Variants in ZNF790 observed in about 807,000 individuals in gnomAD.
ZNF790 encodes the protein zinc finger protein 790.
In ZNF790, 8 loss-of-function variants were observed where a neutral mutation model predicts 12.1. The observed-to-expected ratio is 0.66, with a 90% CI of 0.39 to 1.19. The LOEUF is 1.19. ZNF790 is among the 50% of genes most tolerant of loss of function. The probability of loss-of-function intolerance (pLI) is 0.01; values close to 1 mark genes in which losing one functional copy is unlikely to be tolerated. For missense variants in ZNF790, 707 were observed against 752.2 expected, an observed-to-expected ratio of 0.94 and a Z score of 0.70; for synonymous variants, 252 against 244.3, an observed-to-expected ratio of 1.03 and a Z score of -0.29.
intron 1 of ZNF790, among the ~76,000 whole-genome samples, chr19:36,827,324 G>A (rs1461121100): frequency 6.6e-6 from 1 of 151,612 alleles, no homozygotes; most frequent in Non-Finnish European, 1.5e-5. Context: ...CCACCCATCC[G>A]TGCACAGGCG....
upstream of ZNF790, among the ~76,000 whole-genome samples, chr19:36,840,454 T>C (rs1291791848): frequency 1.3e-5 from 2 of 152,188 alleles, no homozygotes; most frequent in Non-Finnish European, 2.9e-5. Flanking sequence ...GTTGTGACAA[T>C]ACATGTGAGA....
chr19:36,818,885 A>C lies in ZNF790; in HGVS notation c.1459T>G (p.Phe487Val), dbSNP rs758326743. 2.0e-5 allele frequency: 33 copies of C among 1,611,112 alleles called. No homozygotes were observed. Among genetic ancestry groups the C allele is most frequent in the Non-Finnish European group, 2.7e-5 (32 of 1,177,986 alleles). ...NYECKECGKT[F>V]FRGSELNRHQ... Reference sequence around the variant, plus strand: ...CGATTAAGTTCTGAACCACGAAAAAAGGTCTTTCCACATTCCTTACATTCA... The same window carrying C: ...CGATTAAGTTCTGAACCACGAAAAACGGTCTTTCCACATTCCTTACATTCA... The change falls in exon 5 of 5, where the codon TTT (phenylalanine) becomes GTT (valine). Residue 487 changes from phenylalanine (F) to valine (V), a missense_variant. Transcript: ENST00000356725.
intron 1 of ZNF790, among the ~76,000 whole-genome samples, chr19:36,829,530 G>A (rs972368553): frequency 5.3e-5 from 8 of 152,098 alleles, no homozygotes; most frequent in Non-Finnish European, 1.0e-4. Flanking sequence ...CTACCCATTC[G>A]TCTATTAATG....
intron 1 of ZNF790, among the ~76,000 whole-genome samples, chr19:36,827,137 C>CATATATATAT (rs1568338007): frequency 4.1e-5 from 3 of 72,594 alleles, no homozygotes; most frequent in African/African-American, 1.9e-4. Context: ...CACACACACA[C>CATATATATAT]ACACATATAT....
chr19:36,847,154 G>T (rs1392877700), intron 1 of ZNF790, among the ~76,000 whole-genome samples: 1 of 152,064 alleles, frequency 6.6e-6, no homozygotes, highest in Non-Finnish European at 1.5e-5. Context: ...AGGAGTTCAA[G>T]ACCAGCCTGG....
chr19:36,819,048 A>G lies in ZNF790; in HGVS notation c.1296T>C (p.Thr432=), dbSNP rs1488930465. The change falls in exon 5 of 5, where the codon ACT becomes ACC. Residue 432 remains threonine (T), a synonymous_variant. Transcript: ENST00000356725. Reference sequence around the variant, plus strand: ...CATGTTGAGCAAGATACGAAGCCCAAGTAAAAGTCTTCCCGCATTGCTTAC... The same window carrying G: ...CATGTTGAGCAAGATACGAAGCCCAGGTAAAAGTCTTCCCGCATTGCTTAC... ...YECKQCGKTF[T]WASYLAQHEK... The G allele has an allele frequency of 1.9e-6, 3 of 1,613,926 alleles. No individual in the cohort carries two copies. The highest frequency in any genetic ancestry group is 2.5e-6 in the Non-Finnish European group (3 of 1,180,020).
chr19:36,820,892 CTTTTTTT>C (rs1161286902), intron 4 of ZNF790, among the ~76,000 whole-genome samples: 2 of 127,010 alleles, frequency 1.6e-5, no homozygotes, highest in Admixed American at 1.6e-4. Context: ...GAGACCCTGT[CTTTTTTT>C]TTTTTTTTTT....
upstream of ZNF790, among the ~76,000 whole-genome samples, chr19:36,840,662 C>T (rs1406401080): frequency 6.6e-6 from 1 of 152,170 alleles, no homozygotes; most frequent in African/African-American, 2.4e-5. Flanking sequence ...GGGAACCAAT[C>T]TGAAATTCAA....
At chr19:36,847,210 C>T (rs763033667) in intron 1 of ZNF790, among the ~76,000 whole-genome samples, 42 of 151,732 alleles carry the variant, frequency 2.8e-4, no homozygotes, top group East Asian at 1.7e-3. Context: ...AAAAATTAGC[C>T]GGGTGTGGTG....
intron 1 of ZNF790, among the ~76,000 whole-genome samples, chr19:36,825,914 G>A (rs941569134): frequency 1.3e-5 from 2 of 152,042 alleles, no homozygotes; most frequent in Non-Finnish European, 2.9e-5. Context: ...AGTCAATTCT[G>A]GCTTGCCCTA....
chr19:36,821,611 TCTCA>T (rs1381912299), intron 4 of ZNF790, among the ~76,000 whole-genome samples: 1 of 151,656 alleles, frequency 6.6e-6, no homozygotes, highest in Non-Finnish European at 1.5e-5. Context: ...TGAGATGGAG[TCTCA>T]CTCTGTCGCC....
intron 1 of ZNF790, among the ~76,000 whole-genome samples, chr19:36,829,930 A>G (rs1048606904): frequency 2.0e-5 from 3 of 152,138 alleles, no homozygotes; most frequent in Non-Finnish European, 2.9e-5. Flanking sequence ...AATATCATCT[A>G]TTTTGTAGTT....
chr19:36,842,802 G>A (rs984719720), upstream of ZNF790, among the ~76,000 whole-genome samples: 5 of 151,732 alleles, frequency 3.3e-5, no homozygotes, highest in Non-Finnish European at 1.5e-5. Flanking sequence ...TCAGGAGTTC[G>A]AGAGCAGCCT....
rs778875722 is a variant in ZNF790 at position 36,819,402 on chromosome 19, T to G, written c.942A>C (p.Glu314Asp). Residue 314 changes from glutamate to aspartate, a missense_variant, in exon 5 of 5, where the codon GAA becomes GAC. By Grantham distance (45) the Glu-to-Asp change is conservative. Transcript: ENST00000356725. ...ATCGCTGACTAAAGGCCTTTCTACA[T>G]TCATTACATTCATAGGGTTTTTCAC... ...HTGEKPYECN[E>D]CRKAFSQRSH... 10 of 1,612,514 alleles carry G rather than the reference T, an allele frequency of 6.2e-6. No homozygotes were observed. Among genetic ancestry groups the G allele is most frequent in the Non-Finnish European group, 8.5e-6 (10 of 1,179,172 alleles).
chr19:36,839,385 T>G (rs1166570619), upstream of ZNF790, among the ~76,000 whole-genome samples: 1 of 152,172 alleles, frequency 6.6e-6, no homozygotes, highest in Non-Finnish European at 1.5e-5. Flanking sequence ...ATGTGATCAT[T>G]TCTCTTTTTG....
At chr19:36,847,209 C>T (rs1163056440) in intron 1 of ZNF790, among the ~76,000 whole-genome samples, 1 of 151,944 alleles carries the variant, frequency 6.6e-6, no homozygotes, top group Non-Finnish European at 1.5e-5. Context: ...CAAAAATTAG[C>T]CGGGTGTGGT....
At chr19:36,821,749 C>A (rs758212178) in intron 4 of ZNF790, among the ~76,000 whole-genome samples, 44 of 151,914 alleles carry the variant, frequency 2.9e-4, no homozygotes, top group Admixed American at 2.6e-4. Flanking sequence ...ATGCCCAGCT[C>A]ATTTTTGTAT....
chr19:36,818,599 A>AT lies in ZNF790; in HGVS notation c.1744dup (p.Ile582AsnfsTer3). 1 of 1,611,144 alleles carries AT rather than the reference A, an allele frequency of 6.2e-7. No individual in the cohort carries two copies. Among genetic ancestry groups the AT allele is most frequent in the South Asian group, 1.1e-5 (1 of 90,936 alleles). The stretch of plus-strand genomic sequence containing the variant: ...TTCACAGAGATTTGCACTATTATGA[A>AT]TTTTTTGTTCAGTAAAATATGAATG... On this transcript the variant is annotated frameshift_variant, in exon 5 of 5. Transcript: ENST00000356725. LOFTEE classifies it low-confidence loss of function (END_TRUNC).
intron 1 of ZNF790, among the ~76,000 whole-genome samples, chr19:36,830,930 G>C (rs2146060088): frequency 6.6e-6 from 1 of 152,312 alleles, no homozygotes; most frequent in East Asian, 1.9e-4. Flanking sequence ...ACGAGGTCAG[G>C]AGATCGAGAC....
Sources: allele counts gnomAD v4.1 joint callset (sites outside exome capture counted in the v4.1 genomes callset), GRCh38; gene constraint gnomAD v4.1.1; transcripts MANE v1.5; gene names NCBI Gene and HGNC (gene_info 2026-07-23, HGNC 2026-07-21).